PDGFRA: variants seen among roughly 807,000 people sequenced by gnomAD.
The protein encoded by PDGFRA is platelet-derived growth factor receptor alpha.
A neutral mutation model predicts 121.5 loss-of-function variants in PDGFRA; 25 were observed. The observed-to-expected ratio is 0.21, with a 90% CI of 0.15 to 0.29. The LOEUF is 0.29. PDGFRA is among the 10% of genes least tolerant of loss of function. The pLI is 1.00. For synonymous variants in PDGFRA, 463 were observed against 494.8 expected (o/e 0.94, Z 0.85); for missense variants, 1,008 against 1,345.1 (o/e 0.75, Z 3.92).
At chr4:54,248,456 G>A (rs60398195) in intron 1 of PDGFRA, among the ~76,000 whole-genome samples, 2,862 of 152,286 alleles carry the variant, frequency 0.019, 98 homozygotes, top group African/African-American at 0.065. Context: ...AGAAAAACAA[G>A]CAATGGGGAA....
At chr4:54,253,048 G>A (rs891854201) in intron 1 of PDGFRA, among the ~76,000 whole-genome samples, 1 of 151,656 alleles carries the variant, frequency 6.6e-6, no homozygotes, top group African/African-American at 2.4e-5. Context: ...TCTTTGAATG[G>A]TCTTTATAGC....
intron 1 of PDGFRA, among the ~76,000 whole-genome samples, chr4:54,240,368 T>TG (rs1295531551): frequency 6.6e-6 from 1 of 152,208 alleles, no homozygotes; most frequent in Non-Finnish European, 1.5e-5. Flanking sequence ...GTTTCACTAT[T>TG]GGCCACCCCC....
At chr4:54,251,262 T>G (rs1722044251) in intron 1 of PDGFRA, among the ~76,000 whole-genome samples, 1 of 152,170 alleles carries the variant, frequency 6.6e-6, no homozygotes, top group African/African-American at 2.4e-5. Context: ...GACTTTTTGC[T>G]TAAAACATTG....
At chr4:54,253,943 C>G (rs538102849) in intron 1 of PDGFRA, among the ~76,000 whole-genome samples, 56 of 152,306 alleles carry the variant, frequency 3.7e-4, no homozygotes, top group Non-Finnish European at 7.1e-4. Flanking sequence ...CCTTGGCCTC[C>G]CAAAGTGCTG....
intron 9 of PDGFRA, among the ~76,000 whole-genome samples, chr4:54,273,205 G>A (rs770925725): frequency 2.0e-5 from 3 of 152,142 alleles, no homozygotes; most frequent in Non-Finnish European, 4.4e-5. Flanking sequence ...GAAGGGGTGG[G>A]AGATTGAGAT....
At chr4:54,258,276 G>C (rs533277317) in intron 1 of PDGFRA, among the ~76,000 whole-genome samples, 4 of 152,180 alleles carry the variant, frequency 2.6e-5, no homozygotes, top group South Asian at 2.1e-4. Context: ...TATCACAAAG[G>C]CCTCCTGTAA....
At chr4:54,291,057 C>T (rs1724610843) in intron 22 of PDGFRA, among the ~76,000 whole-genome samples, 1 of 152,132 alleles carries the variant, frequency 6.6e-6, no homozygotes, top group African/African-American at 2.4e-5. Context: ...GCCAACTGCT[C>T]CCTGGCTGAT....
rs1722515230 is a variant in PDGFRA, at chr4:54,258,762, C to T, written c.-7C>T. ...TTGACTTTTGACTTTTCTAGTTTCC[C>T]AGAGCTATGGGGACTTCCCATCCGG... On this transcript the variant is annotated 5_prime_UTR_variant, in exon 2 of 23. Coordinates refer to ENST00000257290, the MANE Select transcript of PDGFRA (RefSeq NM_006206.6). 6.2e-7 allele frequency: 1 copy of T among 1,610,478 alleles called. No individual in the cohort carries two copies. Among genetic ancestry groups the T allele is most frequent in the Admixed American group, 1.7e-5 (1 of 60,012 alleles).
At chr4:54,234,898 G>A (rs991515436) in intron 1 of PDGFRA, among the ~76,000 whole-genome samples, 2 of 152,164 alleles carry the variant, frequency 1.3e-5, no homozygotes, top group African/African-American at 4.8e-5. Flanking sequence ...GAGGAGAGCA[G>A]GCATGTTTAT....
intron 1 of PDGFRA, among the ~76,000 whole-genome samples, chr4:54,249,584 T>C (rs1394886870): frequency 1.3e-5 from 2 of 150,124 alleles, no homozygotes; most frequent in Non-Finnish European, 2.9e-5. Context: ...AATTGAACAA[T>C]GAGAACAACA....
At chr4:54,292,168 G>A (rs963668313) in intron 22 of PDGFRA, among the ~76,000 whole-genome samples, 1 of 152,140 alleles carries the variant, frequency 6.6e-6, no homozygotes, top group African/African-American at 2.4e-5. Context: ...CCATTACTGA[G>A]TATATACCCA....
rs1403199114 is a variant in PDGFRA at position 54,270,698 on chromosome 4, C to T, written c.1187C>T (p.Ala396Val). ...GACAGTGGCCATTATACTATTGTAG[C>T]TCAAAATGAAGATGCTGTGAAGAGC... ...EEDSGHYTIV[A>V]QNEDAVKSYT... Residue 396 changes from alanine (A) to valine (V), a missense_variant, in exon 8 of 23, where the codon GCT becomes GTT. Ala to Val is a moderately conservative substitution (Grantham distance 64). Transcript: ENST00000257290. The T allele has an allele frequency of 6.2e-7, 1 of 1,611,364 alleles. No homozygotes were observed. The highest frequency in any genetic ancestry group is 8.5e-7 in the Non-Finnish European group (1 of 1,177,774).
At chr4:54,259,476 C>T (rs1722566673) in intron 2 of PDGFRA, among the ~76,000 whole-genome samples, 1 of 152,150 alleles carries the variant, frequency 6.6e-6, no homozygotes, top group Admixed American at 6.6e-5. Context: ...ATGTTTGGCT[C>T]TTGGAAAATC....
chr4:54,280,134 T>C (rs549372183), intron 15 of PDGFRA, among the ~76,000 whole-genome samples, 182 bp from the exon 16 acceptor site: 1 of 152,300 alleles, frequency 6.6e-6, no homozygotes, highest in East Asian at 1.9e-4. Context: ...TGTGCGACTA[T>C]TTGATTAATG....
chr4:54,284,245 T>C (rs1724201911), intron 16 of PDGFRA, among the ~76,000 whole-genome samples: 1 of 152,222 alleles, frequency 6.6e-6, no homozygotes, highest in Admixed American at 6.5e-5. Flanking sequence ...CTCTAAGAAG[T>C]TCCAAACTTT....
intron 12 of PDGFRA, among the ~76,000 whole-genome samples, chr4:54,275,180 T>G (rs898166931): frequency 3.3e-5 from 5 of 152,074 alleles, no homozygotes; most frequent in Non-Finnish European, 5.9e-5. Context: ...CATAACAAAT[T>G]ATAGTTAAGG....
At chr4:54,235,932 T>A (rs1013053124) in intron 1 of PDGFRA, among the ~76,000 whole-genome samples, 6 of 152,218 alleles carry the variant, frequency 3.9e-5, no homozygotes, top group Admixed American at 1.3e-4. Context: ...AGTATCAGAT[T>A]TGGGATCAGT....
At chr4:54,234,424 C>T (rs1720893810) in intron 1 of PDGFRA, among the ~76,000 whole-genome samples, 1 of 152,238 alleles carries the variant, frequency 6.6e-6, no homozygotes. Context: ...TGGACCAACA[C>T]TGCCATCTGC....
intron 15 of PDGFRA, among the ~76,000 whole-genome samples, chr4:54,279,709 C>A (rs1723959564): frequency 6.6e-6 from 1 of 152,094 alleles, no homozygotes; most frequent in South Asian, 2.1e-4. Context: ...ACCTGCCTCT[C>A]AATTTTTCCC....
Sources: gnomAD v4.1 joint callset for allele counts (sites outside exome capture counted in the v4.1 genomes callset) on GRCh38, gnomAD v4.1.1 for gene constraint, MANE v1.5 for transcripts, NCBI Gene and HGNC (gene_info 2026-07-23, HGNC 2026-07-21) for gene names.